The following CALD1 variants were observed in gnomAD, a reference collection of about 807,000 sequenced individuals.
CALD1 encodes the protein caldesmon 1, also known as caldesmon.
CALD1 carries 33 observed loss-of-function variants against 99.9 expected under a neutral mutation model. The ratio of observed to expected loss-of-function variants is 0.33; its 90% CI spans 0.25 to 0.44. CALD1 has a LOEUF of 0.44. Ranked by LOEUF, CALD1 falls within the 20% of genes least tolerant of loss-of-function variation. The probability of loss-of-function intolerance (pLI) is 1.00; values close to 1 mark genes in which losing one functional copy is unlikely to be tolerated. For missense variants in CALD1, 861 were observed against 962.1 expected (o/e 0.89, Z 1.39); for synonymous variants, 310 against 325.0 (o/e 0.95, Z 0.50).
At chr7:134,737,231 C>A in the CALD1 span, among the ~76,000 whole-genome samples, 5 of 152,140 alleles carry the variant, frequency 3.3e-5, no homozygotes, top group Non-Finnish European at 7.3e-5. Flanking sequence ...CTGAAGCGAT[C>A]TTCCCACCTC....
Position 134,766,141 on chromosome 7 carries a change from CTTTTTTTTTTTTTTT to C in CALD1, c.-130+21792_-130+21806del, listed in dbSNP as rs71172475. Among the ~76,000 whole-genome samples the C allele has an allele frequency of 3.5e-3, 247 of 70,818 alleles. 4 individuals are homozygous for C. The highest frequency in any genetic ancestry group is 0.018 in the Middle Eastern group (1 of 56). The allele number at this position is 70,818 out of a possible 152,430, so 46.5% of individuals were successfully genotyped here. ...GAGCCCCTTAAACCTCTTTTCTTTTCTTTTTTTTTTTTTTTTTTTTTTTTTTTTGAGAGGGAGTCT... is the reference window on the plus strand; with the variant it reads ...GAGCCCCTTAAACCTCTTTTCTTTTCTTTTTTTTTTTTTGAGAGGGAGTCT... On this transcript the variant is annotated intron_variant, in intron 1 of 13. Transcript: ENST00000417172.
chr7:134,852,713 T>C (rs139719244), intron 2 of CALD1, among the ~76,000 whole-genome samples: 202 of 152,342 alleles, frequency 1.3e-3, no homozygotes, highest in African/African-American at 4.6e-3. Flanking sequence ...TAGCCTCTTA[T>C]TGCTGGGGTC....
chr7:134,745,351 AACAGAGGAAACTTTGCTGG>A (rs1202800878), intron 1 of CALD1: 4 of 152,124 alleles, frequency 2.6e-5, no homozygotes, highest in Admixed American at 2.6e-4. Context: ...CTTCCTTTGG[AACAGAGGAAACTTTGCTGG>A]ACAAAAAGGA....
the CALD1 span, among the ~76,000 whole-genome samples, chr7:134,734,637 C>T: frequency 2.0e-5 from 3 of 152,040 alleles, no homozygotes; most frequent in East Asian, 1.9e-4. Context: ...TTTTGTTTCC[C>T]GAGCTGTTCT....
At chr7:134,864,314 T>C (rs1188215356) in intron 2 of CALD1, among the ~76,000 whole-genome samples, 2 of 141,114 alleles carry the variant, frequency 1.4e-5, no homozygotes, top group East Asian at 2.2e-4. Context: ...GCCATTGCAC[T>C]CCAGCCTGGG....
Position 134,968,558 on chromosome 7 carries a change from C to T in CALD1, c.*213C>T. ...AAAAGTACTGCCTTTGCACAGGAGC[C>T]TGTTTCTAAAGAAACCCATGCTGTG... On this transcript the variant is annotated 3_prime_UTR_variant, in exon 15 of 15. Transcript: ENST00000361675. 1 of 702,876 alleles carries T rather than the reference C, an allele frequency of 1.4e-6. No homozygotes were observed. The highest frequency in any genetic ancestry group is 2.7e-5 in the East Asian group (1 of 36,864). The allele number at this position is 702,876 out of a possible 1,614,324, so 43.5% of individuals were successfully genotyped here. A position where few individuals can be genotyped will look rare whatever the true frequency, so the allele number is the denominator to read the frequency against.
intron 3 of CALD1, among the ~76,000 whole-genome samples, chr7:134,901,021 A>G (rs1274631091): frequency 6.6e-6 from 1 of 152,110 alleles, no homozygotes; most frequent in Non-Finnish European, 1.5e-5. Context: ...TAAAATAAGA[A>G]TTTGTACCAC....
At chr7:134,864,618 T>C (rs887800485) in intron 2 of CALD1, among the ~76,000 whole-genome samples, 1 of 152,142 alleles carries the variant, frequency 6.6e-6, no homozygotes, top group Non-Finnish European at 1.5e-5. Context: ...CAGGCTGGTC[T>C]CGAACTCCTG....
Position 134,968,613 on chromosome 7 carries a change from A to T in CALD1, c.*268A>T, listed in dbSNP as rs1478809988. 3.0e-6 allele frequency: 2 copies of T among 668,620 alleles called. No homozygotes were observed. Among genetic ancestry groups the T allele is most frequent in the South Asian group, 1.5e-5 (1 of 66,440 alleles). The allele number at this position is 668,620 out of a possible 1,614,324, so 41.4% of individuals were successfully genotyped here. A position where few individuals can be genotyped will look rare whatever the true frequency, so the allele number is the denominator to read the frequency against. ...AGAGACTTTTCTACTGATCATCATA[A>T]CTCTGTATCTGAGCAGTGATACCAA... On this transcript the variant is annotated 3_prime_UTR_variant, in exon 15 of 15. Transcript: ENST00000361675.
intron 1 of CALD1, among the ~76,000 whole-genome samples, chr7:134,759,178 T>C (rs1796755854): frequency 1.3e-5 from 2 of 152,186 alleles, no homozygotes; most frequent in South Asian, 4.1e-4. Flanking sequence ...AACTAGAGTC[T>C]AGAATATACT....
chr7:134,722,159 C>T, the CALD1 span, among the ~76,000 whole-genome samples: 2 of 152,262 alleles, frequency 1.3e-5, no homozygotes, highest in African/African-American at 4.8e-5. Context: ...ATTCACAGGT[C>T]GTGTTCAAAT....
At chr7:134,785,634 A>G (rs1797274812) in intron 1 of CALD1, among the ~76,000 whole-genome samples, 1 of 152,136 alleles carries the variant, frequency 6.6e-6, no homozygotes, top group South Asian at 2.1e-4. Context: ...TTCGGATCCC[A>G]TTTGGGAACT....
At chr7:134,916,922 C>G (rs2132761025) in intron 3 of CALD1, among the ~76,000 whole-genome samples, 1 of 152,274 alleles carries the variant, frequency 6.6e-6, no homozygotes, top group South Asian at 2.1e-4. Flanking sequence ...TTGAAGACGA[C>G]AGTGGAAATT....
At chr7:134,934,920 C>T (rs1319265226) in intron 5 of CALD1, among the ~76,000 whole-genome samples, 2 of 151,868 alleles carry the variant, frequency 1.3e-5, no homozygotes, top group African/African-American at 4.8e-5. Context: ...CAAAAACAAA[C>T]CCCTGGAAAT....
At chr7:134,731,744 G>A in the CALD1 span, among the ~76,000 whole-genome samples, 1 of 150,584 alleles carries the variant, frequency 6.6e-6, no homozygotes, top group African/African-American at 2.4e-5. Context: ...TGCTTTCTTG[G>A]TGAATTCACT....
intron 1 of CALD1, among the ~76,000 whole-genome samples, chr7:134,800,861 A>G (rs1223602340): frequency 6.6e-6 from 1 of 152,010 alleles, no homozygotes; most frequent in African/African-American, 2.4e-5. Flanking sequence ...ATTTAAAGCA[A>G]TGTCCAATTT....
At chr7:134,952,812 T>C (rs1278038629) in intron 9 of CALD1, among the ~76,000 whole-genome samples, 2 of 152,212 alleles carry the variant, frequency 1.3e-5, no homozygotes, top group Non-Finnish European at 2.9e-5. Flanking sequence ...ATATTTCTGA[T>C]ACCTCCCAAA....
At chr7:134,910,179 G>A (rs1479368287) in intron 3 of CALD1, among the ~76,000 whole-genome samples, 1 of 152,164 alleles carries the variant, frequency 6.6e-6, no homozygotes, top group Non-Finnish European at 1.5e-5. Flanking sequence ...AAAATCACTA[G>A]CCCCGTAGAG....
At chr7:134,757,456 T>C (rs1796739606) in intron 1 of CALD1, among the ~76,000 whole-genome samples, 1 of 152,248 alleles carries the variant, frequency 6.6e-6, no homozygotes, top group Non-Finnish European at 1.5e-5. Context: ...CTGTGTTCCT[T>C]GAAGACCTCA....
Sources: gnomAD v4.1 joint callset for allele counts (sites outside exome capture counted in the v4.1 genomes callset) on GRCh38, gnomAD v4.1.1 for gene constraint, MANE v1.5 for transcripts, NCBI Gene and HGNC (gene_info 2026-07-23, HGNC 2026-07-21) for gene names.